Variants in DAZAP1 observed in about 807,000 individuals in gnomAD.
DAZAP1 encodes DAZ-associated protein 1.
DAZAP1 carries 6 observed loss-of-function variants against 60.1 expected under a neutral mutation model. The observed-to-expected ratio is 0.10, with a 90% CI of 0.05 to 0.20. The LOEUF (loss-of-function observed/expected upper bound fraction) is 0.20, where lower values mean the gene tolerates loss of function less well. Among genes scored for constraint, DAZAP1 ranks in the 10% least tolerant of loss-of-function variants. DAZAP1 has a pLI of 1.00. For synonymous variants in DAZAP1, 235 were observed against 215.9 expected (o/e 1.09, Z -0.78); for missense variants, 366 against 560.4 (o/e 0.65, Z 3.50).
At position 1,422,848 on chromosome 19, in the gene DAZAP1, T is replaced by C. The variant is rs1045836509; in HGVS notation, c.463+452T>C. Among the ~76,000 whole-genome samples, 3 of 151,386 alleles carry C rather than the reference T, an allele frequency of 2.0e-5. No homozygotes were observed. The highest frequency in any genetic ancestry group is 7.4e-5 in the African/African-American group (3 of 40,726). The stretch of plus-strand genomic sequence containing the variant: ...TCTTTCTTTCTTTTTTCCTTTTCTT[T>C]TCTTTTTCTTTTTTTTCAGTTTTCT... On this transcript the variant is annotated intron_variant, in intron 6 of 11. Coordinates refer to ENST00000233078, the MANE Select transcript of DAZAP1 (RefSeq NM_018959.4). This position sits in a 1 kb window ranked among gnomAD's most constrained non-coding sequence, Gnocchi z 4.5.
rs745673464 is a variant in DAZAP1 at position 1,418,354 on chromosome 19, C to T, written c.221C>T (p.Thr74Met). The T allele has an allele frequency of 1.1e-5, 18 of 1,613,352 alleles. No homozygotes were observed. The highest frequency in any genetic ancestry group is 4.0e-5 in the African/African-American group (3 of 74,896). The change falls in exon 3 of 12, where the codon ACG becomes ATG. Residue 74 changes from threonine to methionine, a missense_variant. Thr to Met is a moderately conservative substitution (Grantham distance 81). Coordinates refer to ENST00000233078, the MANE Select transcript of DAZAP1 (RefSeq NM_018959.4). The surrounding 1 kb of genome is among the most constrained non-coding windows in gnomAD (Gnocchi z 5.7). ...VGTVLASRPH[T>M]LDGRNIDPKP... ...ACGGTGCTGGCCAGCAGACCGCACA[C>T]GCTAGATGGCCGAAACGTAAGTGCC...
Position 1,433,646 on chromosome 19 carries a change from G to C in DAZAP1, c.1048+956G>C. ...TGGCGTGTCTGAGACTGGCAGGGGGGTGTGAGGCGCCCGGTTGGGGCGTGG... is the reference window on the plus strand; with the variant it reads ...TGGCGTGTCTGAGACTGGCAGGGGGCTGTGAGGCGCCCGGTTGGGGCGTGG... On this transcript the variant is annotated intron_variant, in intron 11 of 11. Coordinates refer to ENST00000233078, the MANE Select transcript of DAZAP1 (RefSeq NM_018959.4). The surrounding 1 kb of genome is among the most constrained non-coding windows in gnomAD (Gnocchi z 6.1). 4 of 1,023,098 alleles carry C rather than the reference G, an allele frequency of 3.9e-6. No homozygotes were observed. The highest frequency in any genetic ancestry group is 6.0e-6 in the Non-Finnish European group (4 of 662,212). 63.4% of individuals were successfully genotyped at this position (1,023,098 alleles called of 1,614,324 possible).
In DAZAP1 at chr19:1,434,896, A is replaced by C; in HGVS notation, c.1208A>C (p.His403Pro). ...CAGAACCACAACGTGCAAGGGTTCC[A>C]CCCCTACCGACGCTAGCCCGCGGCG... ...RGQNHNVQGFHPYRR is the reference protein window; with the variant it reads ...RGQNHNVQGFPPYRR The change falls in exon 12 of 12, where the codon CAC becomes CCC. Residue 403 changes from histidine to proline, a missense_variant. By Grantham distance (77) the His-to-Pro change is moderately conservative. Around this residue, in one of 3 missense-constraint regions of DAZAP1, gnomAD observed 240 missense variants for 308.8 expected, o/e 0.78. Coordinates refer to ENST00000233078, the MANE Select transcript of DAZAP1 (RefSeq NM_018959.4). This position sits in a 1 kb window ranked among gnomAD's most constrained non-coding sequence, Gnocchi z 8.0. The C allele has an allele frequency of 2.0e-6, 3 of 1,504,364 alleles. No homozygotes were observed. The highest frequency in any genetic ancestry group is 2.3e-5 in the Admixed American group (1 of 42,880). 93.2% of individuals were successfully genotyped at this position (1,504,364 alleles called of 1,614,324 possible). A position where few individuals can be genotyped will look rare whatever the true frequency, so the allele number is the denominator to read the frequency against.
rs749082924 is a variant in DAZAP1, at chr19:1,429,003, T to C, written c.700+8T>C. On this transcript the variant is annotated splice_region_variant and intron_variant, in intron 8 of 11. Coordinates refer to ENST00000233078, the MANE Select transcript of DAZAP1 (RefSeq NM_018959.4). The stretch of plus-strand genomic sequence containing the variant: ...AAGGATATGGCCCGCAAGGTAAGGC[T>C]GATGCAGAGGTGCCCACGGGAATGT... 7.0e-6 allele frequency: 11 copies of C among 1,578,036 alleles called. No individual in the cohort carries two copies. Among genetic ancestry groups the C allele is most frequent in the Non-Finnish European group, 9.5e-6 (11 of 1,162,670 alleles).
At position 1,407,615 on chromosome 19, in the gene DAZAP1, A is replaced by AGGC; in HGVS notation, c.-158_-156dup. 1.5e-5 allele frequency: 3 copies of AGGC among 205,232 alleles called. No individual in the cohort carries two copies. The highest frequency in any genetic ancestry group is 2.1e-5 in the Non-Finnish European group (3 of 143,788). 12.7% of individuals were successfully genotyped at this position (205,232 alleles called of 1,614,324 possible). A position where few individuals can be genotyped will look rare whatever the true frequency, so the allele number is the denominator to read the frequency against. ...GGTGACCGTTGGCGCCGAGGGGAGG[A>AGGC]GGCAGCCGCCGCCGCCGCCGCCGCC... is the stretch of plus-strand genomic sequence containing the variant. On this transcript the variant is annotated 5_prime_UTR_variant, in exon 1 of 12. Coordinates refer to ENST00000233078, the MANE Select transcript of DAZAP1 (RefSeq NM_018959.4).
At position 1,426,078 on chromosome 19, in the gene DAZAP1, C is replaced by G. The variant is rs1600230346; in HGVS notation, c.546+118C>G. 2 of 788,468 alleles carry G rather than the reference C, an allele frequency of 2.5e-6. No homozygotes were observed. The highest frequency in any genetic ancestry group is 5.1e-5 in the East Asian group (2 of 39,568). 48.8% of individuals were successfully genotyped at this position (788,468 alleles called of 1,614,324 possible). On this transcript the variant is annotated intron_variant, in intron 7 of 11. Transcript: ENST00000233078. This position sits in a 1 kb window ranked among gnomAD's most constrained non-coding sequence, Gnocchi z 5.4. ...GGGTCGGGCGAGTTCGTCCTGTGAA[C>G]CTTTGCTGCGTGAGGTGGGCCTGGG...
rs944182962 is a variant in DAZAP1 at position 1,423,240 on chromosome 19, C to T, written c.463+844C>T. Among the ~76,000 whole-genome samples the T allele has an allele frequency of 2.0e-5, 3 of 152,252 alleles. No individual in the cohort carries two copies. Among genetic ancestry groups the T allele is most frequent in the Admixed American group, 6.5e-5 (1 of 15,292 alleles). On this transcript the variant is annotated intron_variant, in intron 6 of 11. Transcript: ENST00000233078. This position sits in a 1 kb window ranked among gnomAD's most constrained non-coding sequence, Gnocchi z 6.8. ...AGTTTGCCATTTGAACCTCCCTCCC[C>T]ACGGTTAGGAGTGCTCCTCCTCCAT... is the stretch of plus-strand genomic sequence containing the variant.
intron 1 of DAZAP1, among the ~76,000 whole-genome samples, chr19:1,412,223 C>G (rs1305436989): frequency 6.6e-6 from 1 of 152,146 alleles, no homozygotes; most frequent in Non-Finnish European, 1.5e-5. Context: ...GGGGGGGCAT[C>G]TGACCCTGCT....
chr19:1,410,887 T>A (rs2082809977), intron 1 of DAZAP1, among the ~76,000 whole-genome samples: 1 of 152,198 alleles, frequency 6.6e-6, no homozygotes, highest in South Asian at 2.1e-4. Flanking sequence ...GAGGAAGGAC[T>A]CAGCGGAGAG....
Position 1,425,800 on chromosome 19 carries a change from C to T in DAZAP1, c.464-78C>T. 9.7e-7 allele frequency: 1 copy of T among 1,032,676 alleles called. No individual in the cohort carries two copies. The highest frequency in any genetic ancestry group is 1.3e-5 in the South Asian group (1 of 79,088). The allele number at this position is 1,032,676 out of a possible 1,614,324, so 64.0% of individuals were successfully genotyped here. A position where few individuals can be genotyped will look rare whatever the true frequency, so the allele number is the denominator to read the frequency against. Reference sequence around the variant, plus strand: ...TGAAACCCAAGGTCGATCCCTCGGCCCGTCCCTAATACTGTTCATCATCCT... The same window carrying T: ...TGAAACCCAAGGTCGATCCCTCGGCTCGTCCCTAATACTGTTCATCATCCT... On this transcript the variant is annotated intron_variant, in intron 6 of 11. Transcript: ENST00000233078. The surrounding 1 kb of genome is among the most constrained non-coding windows in gnomAD (Gnocchi z 5.4).
chr19:1,413,800 GTT>G, intron 1 of DAZAP1, among the ~76,000 whole-genome samples: 1 of 152,190 alleles, frequency 6.6e-6, no homozygotes, highest in East Asian at 1.9e-4. Flanking sequence ...ACTGAGACTT[GTT>G]TCAAAAGAAA....
intron 1 of DAZAP1, among the ~76,000 whole-genome samples, chr19:1,413,010 C>T (rs1298061327): frequency 3.3e-5 from 5 of 152,326 alleles, no homozygotes; most frequent in East Asian, 1.9e-4. Flanking sequence ...TCGGAGATGC[C>T]GTCAGCTGGG....
chr19:1,431,880 T>G (rs1009280410), intron 10 of DAZAP1, among the ~76,000 whole-genome samples: 1 of 152,054 alleles, frequency 6.6e-6, no homozygotes, highest in African/African-American at 2.4e-5. Flanking sequence ...TGTTTGACAA[T>G]TGGGGCATAT....
chr19:1,426,235 G>A lies in DAZAP1; in HGVS notation c.546+275G>A. 2.3e-6 allele frequency: 1 copy of A among 431,610 alleles called. No homozygotes were observed. The highest frequency in any genetic ancestry group is 4.3e-6 in the Non-Finnish European group (1 of 232,260). The allele number at this position is 431,610 out of a possible 1,614,324, so 26.7% of individuals were successfully genotyped here. A position where few individuals can be genotyped will look rare whatever the true frequency, so the allele number is the denominator to read the frequency against. On this transcript the variant is annotated intron_variant, in intron 7 of 11. Transcript: ENST00000233078. The surrounding 1 kb of genome is among the most constrained non-coding windows in gnomAD (Gnocchi z 5.4). The stretch of plus-strand genomic sequence containing the variant: ...GGCGGGTAGGGGGCTGGGGCTGGGA[G>A]GCTGTGGCGGTGTTGGGGCTGGCTC...
chr19:1,434,507 T>C lies in DAZAP1; in HGVS notation c.1049-230T>C, dbSNP rs1025153477. The C allele has an allele frequency of 3.9e-6, 2 of 512,666 alleles. No homozygotes were observed. The highest frequency in any genetic ancestry group is 6.9e-6 in the Non-Finnish European group (2 of 288,888). 31.8% of individuals were successfully genotyped at this position (512,666 alleles called of 1,614,324 possible). Reference sequence around the variant, plus strand: ...AGGTTACGTGGGCCATGGAGGGCTCTGGAAGCCGCTTTTCTCTGTGTGTGC... The same window carrying C: ...AGGTTACGTGGGCCATGGAGGGCTCCGGAAGCCGCTTTTCTCTGTGTGTGC... On this transcript the variant is annotated intron_variant, in intron 11 of 11. Coordinates refer to ENST00000233078, the MANE Select transcript of DAZAP1 (RefSeq NM_018959.4). The surrounding 1 kb of genome is among the most constrained non-coding windows in gnomAD (Gnocchi z 8.0).
chr19:1,417,276 C>G, intron 1 of DAZAP1: 1 of 596,926 alleles, frequency 1.7e-6, no homozygotes, highest in East Asian at 2.9e-5. Context: ...CTCTGTGGCA[C>G]GGTCCTCTCC....
chr19:1,412,370 GAGA>G (rs980694128), intron 1 of DAZAP1, among the ~76,000 whole-genome samples: 2 of 152,208 alleles, frequency 1.3e-5, no homozygotes, highest in African/African-American at 4.8e-5. Context: ...TCTGGAAGAA[GAGA>G]AGGGTTCCCC....
At chr19:1,431,295 AT>A (rs1270488608) in intron 10 of DAZAP1, among the ~76,000 whole-genome samples, 6 of 143,004 alleles carry the variant, frequency 4.2e-5, no homozygotes, top group Admixed American at 1.4e-4. Context: ...CGCCTGGCTA[AT>A]TTTTTTGTAT....
intron 8 of DAZAP1, among the ~76,000 whole-genome samples, chr19:1,429,324 A>G (rs1373631269): frequency 1.3e-5 from 2 of 152,244 alleles, no homozygotes; most frequent in Non-Finnish European, 2.9e-5. Context: ...GAGGGCTGGC[A>G]TTGCCAAGCT....
Sources: allele counts gnomAD v4.1 joint callset (sites outside exome capture counted in the v4.1 genomes callset), GRCh38; gene constraint gnomAD v4.1.1; regional missense constraint gnomAD v4.1.1; non-coding constraint Gnocchi (gnomAD v3.1); transcripts MANE v1.5; gene names NCBI Gene and HGNC (gene_info 2026-07-23, HGNC 2026-07-21).